PLEKHM1: variants seen among roughly 807,000 people sequenced by gnomAD.
The protein encoded by PLEKHM1 is pleckstrin homology and RUN domain containing M1, also known as pleckstrin homology domain-containing family M member 1.
In PLEKHM1, 28 loss-of-function variants were observed where a neutral mutation model predicts 94.3. That is an observed-to-expected ratio of 0.30 (90% CI 0.22 to 0.41). PLEKHM1 has a LOEUF of 0.41. PLEKHM1 is among the 10% of genes least tolerant of loss of function. The probability of loss-of-function intolerance (pLI) is 1.00; values close to 1 mark genes in which losing one functional copy is unlikely to be tolerated. For synonymous variants in PLEKHM1, 424 were observed against 581.2 expected (o/e 0.73, Z 3.89); for missense variants, 907 against 1,358.6 (o/e 0.67, Z 5.22).
downstream of PLEKHM1, among the ~76,000 whole-genome samples, chr17:45,435,301 G>A (rs1415426294): frequency 6.6e-6 from 1 of 152,188 alleles, no homozygotes; most frequent in Non-Finnish European, 1.5e-5. Context: ...TGATTTCCCT[G>A]AGAATTAAGT....
chr17:45,451,118 C>A (rs1223542794), intron 7 of PLEKHM1, among the ~76,000 whole-genome samples: 1 of 151,676 alleles, frequency 6.6e-6, no homozygotes, highest in African/African-American at 2.4e-5. Flanking sequence ...TGTCCGGTGT[C>A]CCCACTGCTG....
rs1256522666 is a variant in PLEKHM1 at position 45,444,483 on chromosome 17, T to A, written c.2837+987A>T. Reference sequence around the variant, plus strand: ...GGTAAGAGAAGCTTCCTGAAGGGCATCCTGAGGGCCCCGCCCGGATCACGT... The same window carrying A: ...GGTAAGAGAAGCTTCCTGAAGGGCAACCTGAGGGCCCCGCCCGGATCACGT... On this transcript the variant is annotated intron_variant, in intron 9 of 11. Coordinates refer to ENST00000430334, the MANE Select transcript of PLEKHM1 (RefSeq NM_014798.3). The surrounding 1 kb of genome is among the most constrained non-coding windows in gnomAD (Gnocchi z 5.0). 6.6e-6 allele frequency among the ~76,000 whole-genome samples: 1 copy of A among 152,154 alleles called. No homozygotes were observed.
rs1403449820 is a variant in PLEKHM1, at chr17:45,436,919, CAG to C, written c.*937_*938del. ...TGTGCCCTGGCAGGGGTCAGTCAGG[CAG>C]AGAGTGTGACCCCGGGCACCCACCA... is the stretch of plus-strand genomic sequence containing the variant. On this transcript the variant is annotated 3_prime_UTR_variant, in exon 12 of 12. Transcript: ENST00000430334. The C allele has an allele frequency of 1.6e-5, 7 of 450,188 alleles. No individual in the cohort carries two copies. The highest frequency in any genetic ancestry group is 8.0e-5 in the African/African-American group (4 of 49,916). 27.9% of individuals were successfully genotyped at this position (450,188 alleles called of 1,614,324 possible).
Position 45,453,089 on chromosome 17 carries a change from G to A in PLEKHM1, c.2497+266C>T. On this transcript the variant is annotated intron_variant, in intron 7 of 11. Transcript: ENST00000430334. The surrounding 1 kb of genome is among the most constrained non-coding windows in gnomAD (Gnocchi z 4.1). ...AGGCTGGGACTCCCTGAGCAGCGCA[G>A]TGAGTAGCCAGCCTGCCGCCCATCA... is the stretch of plus-strand genomic sequence containing the variant. The A allele has an allele frequency of 1.7e-6, 1 of 601,674 alleles. No individual in the cohort carries two copies. The highest frequency in any genetic ancestry group is 3.0e-6 in the Non-Finnish European group (1 of 337,548). 37.3% of individuals were successfully genotyped at this position (601,674 alleles called of 1,614,324 possible). A position where few individuals can be genotyped will look rare whatever the true frequency, so the allele number is the denominator to read the frequency against.
At chr17:45,463,909 G>A (rs1221193178) in intron 5 of PLEKHM1, 3 of 152,292 alleles carry the variant, frequency 2.0e-5, no homozygotes, top group Non-Finnish European at 4.4e-5. Flanking sequence ...TCCCCAAGAG[G>A]AGTGTGGCTG....
At chr17:45,483,665 T>C (rs1472424727) in intron 1 of PLEKHM1, among the ~76,000 whole-genome samples, 4 of 152,190 alleles carry the variant, frequency 2.6e-5, no homozygotes, top group African/African-American at 9.7e-5. Flanking sequence ...AAAAGTTAAA[T>C]GGGCTCAGTT....
intron 8 of PLEKHM1, among the ~76,000 whole-genome samples, chr17:45,446,723 G>A (rs1176798683): frequency 6.6e-6 from 1 of 152,210 alleles, no homozygotes; most frequent in African/African-American, 2.4e-5. Flanking sequence ...ATATAGAAAT[G>A]AAATTGATTT....
chr17:45,445,554 A>G lies in PLEKHM1; in HGVS notation c.2753T>C (p.Ile918Thr), dbSNP rs767160296. ...LYEHVERMHL[I>T]GRRREQLKLL... Reference sequence around the variant, plus strand: ...CTTCAGCTGCTCCCGTCTCCTCCCAATGAGGTGCATCCGCTCCACATGCTC... The same window carrying G: ...CTTCAGCTGCTCCCGTCTCCTCCCAGTGAGGTGCATCCGCTCCACATGCTC... The change falls in exon 9 of 12, where the codon ATT becomes ACT. Residue 918 changes from isoleucine to threonine, a missense_variant. Around this residue, in one of 3 missense-constraint regions of PLEKHM1, gnomAD observed 254 missense variants for 451.1 expected, o/e 0.56. Coordinates refer to ENST00000430334, the MANE Select transcript of PLEKHM1 (RefSeq NM_014798.3). This position sits in a 1 kb window ranked among gnomAD's most constrained non-coding sequence, Gnocchi z 4.2. The G allele has an allele frequency of 1.1e-5, 17 of 1,613,714 alleles. No individual in the cohort carries two copies. The highest frequency in any genetic ancestry group is 5.5e-5 in the South Asian group (5 of 91,082).
downstream of PLEKHM1, among the ~76,000 whole-genome samples, chr17:45,435,182 G>A (rs1345452535): frequency 6.6e-6 from 1 of 152,088 alleles, no homozygotes; most frequent in Non-Finnish European, 1.5e-5. Flanking sequence ...GGGGAAGCTG[G>A]GGCACCTAGA....
chr17:45,439,389 C>G, intron 11 of PLEKHM1, 88 bp downstream of exon 11: 1 of 1,452,434 alleles, frequency 6.9e-7, no homozygotes. Context: ...GCCCACAGAG[C>G]GAAGCCTGCT....
rs564118779 is a variant in PLEKHM1, at chr17:45,453,907, C to T, written c.1945G>A (p.Glu649Lys). 164 of 1,613,772 alleles carry T rather than the reference C, an allele frequency of 1.0e-4. 1 individual carries two copies. The South Asian group carries it at 1.6e-3, about 16-fold the overall frequency. The change falls in exon 7 of 12, where the codon GAG becomes AAG. Residue 649 changes from glutamate to lysine, a missense_variant. Around this residue, in one of 3 missense-constraint regions of PLEKHM1, gnomAD observed 477 missense variants for 601.5 expected, o/e 0.79. Coordinates refer to ENST00000430334, the MANE Select transcript of PLEKHM1 (RefSeq NM_014798.3). This position sits in a 1 kb window ranked among gnomAD's most constrained non-coding sequence, Gnocchi z 4.1. Reference protein sequence around the residue: ...QYPDQPEEPPEAPQGCLSPSD... With the variant: ...QYPDQPEEPPKAPQGCLSPSD... Reference sequence around the variant, plus strand: ...GGAGAGAGGCAGCCCTGGGGCGCCTCGGGGGGTTCCTCAGGCTGGTCTGGG... The same window carrying T: ...GGAGAGAGGCAGCCCTGGGGCGCCTTGGGGGGTTCCTCAGGCTGGTCTGGG...
In PLEKHM1 at chr17:45,476,713, G is replaced by T. The variant is rs888517300; in HGVS notation, c.297-987C>A. Among the ~76,000 whole-genome samples the T allele has an allele frequency of 3.6e-4, 55 of 152,104 alleles. 1 individual carries two copies. ...CCACAGTCATGCAGACTGCAGGGTAGATGTTCTGCATAAGGAGATCAGACC... is the reference window on the plus strand; with the variant it reads ...CCACAGTCATGCAGACTGCAGGGTATATGTTCTGCATAAGGAGATCAGACC... On this transcript the variant is annotated intron_variant, in intron 3 of 11. Transcript: ENST00000430334.
intron 4 of PLEKHM1, among the ~76,000 whole-genome samples, chr17:45,471,713 G>A (rs2051520108): frequency 6.6e-6 from 1 of 152,166 alleles, no homozygotes; most frequent in African/African-American, 2.4e-5. Flanking sequence ...CCGAGATCAT[G>A]CCACTGCACT....
At position 45,445,135 on chromosome 17, in the gene PLEKHM1, T is replaced by C. The variant is rs1445169581; in HGVS notation, c.2837+335A>G. Among the ~76,000 whole-genome samples the C allele has an allele frequency of 6.6e-6, 1 of 152,238 alleles. No individual in the cohort carries two copies. Among genetic ancestry groups the C allele is most frequent in the Admixed American group, 6.5e-5 (1 of 15,284 alleles). ...CCATGTTTTTGAGTGAACAAATAGA[T>C]ACATGAACAAAACCCCAAAATCACC... On this transcript the variant is annotated intron_variant, in intron 9 of 11. Coordinates refer to ENST00000430334, the MANE Select transcript of PLEKHM1 (RefSeq NM_014798.3). This position sits in a 1 kb window ranked among gnomAD's most constrained non-coding sequence, Gnocchi z 4.2.
intron 1 of PLEKHM1, among the ~76,000 whole-genome samples, chr17:45,485,099 G>A (rs1295349696): frequency 6.6e-6 from 1 of 151,904 alleles, no homozygotes; most frequent in Non-Finnish European, 1.5e-5. Flanking sequence ...CCATCTGACT[G>A]CCTCACCCTT....
intron 8 of PLEKHM1, among the ~76,000 whole-genome samples, chr17:45,447,535 G>A (rs1368801819): frequency 2.0e-5 from 3 of 152,218 alleles, no homozygotes; most frequent in African/African-American, 7.2e-5. Context: ...CCTATCCTGC[G>A]GGAATGGAGG....
rs1451094996 is a variant in PLEKHM1 at position 45,455,693 on chromosome 17, C to T, written c.1580-1421G>A. On this transcript the variant is annotated intron_variant, in intron 6 of 11. Transcript: ENST00000430334. ...CCATTGGCTCTGCCTTCCACACATC[C>T]GGAATCCCCGCCTCTCCCCAGCTGC... is the stretch of plus-strand genomic sequence containing the variant. 3.9e-5 allele frequency among the ~76,000 whole-genome samples: 6 copies of T among 152,154 alleles called. No homozygotes were observed. In the South Asian group the frequency reaches 6.2e-4, roughly 16 times the overall value.
At chr17:45,482,046 T>C (rs2051969805) in intron 2 of PLEKHM1, among the ~76,000 whole-genome samples, 1 of 151,744 alleles carries the variant, frequency 6.6e-6, no homozygotes, top group Non-Finnish European at 1.5e-5. Context: ...TCCTAGAAAA[T>C]GGTAAGTGTT....
chr17:45,486,481 G>C (rs1048048566), intron 1 of PLEKHM1, among the ~76,000 whole-genome samples: 1 of 151,732 alleles, frequency 6.6e-6, no homozygotes, highest in Non-Finnish European at 1.5e-5. Flanking sequence ...GGCTGAGGCA[G>C]GAGAATGGCG....
Sources: gnomAD v4.1 joint callset for allele counts (sites outside exome capture counted in the v4.1 genomes callset) on GRCh38, gnomAD v4.1.1 for gene constraint, gnomAD v4.1.1 regional missense constraint, Gnocchi (gnomAD v3.1) non-coding constraint, MANE v1.5 for transcripts, NCBI Gene and HGNC (gene_info 2026-07-23, HGNC 2026-07-21) for gene names.